DDX4: variants seen among roughly 807,000 people sequenced by gnomAD.
The protein encoded by DDX4 is DEAD-box helicase 4.
Under a neutral mutation model 100.0 loss-of-function variants are expected in DDX4, and 25 were observed. The observed-to-expected ratio is 0.25, with a 90% CI of 0.18 to 0.35. DDX4 has a LOEUF of 0.35. Among genes scored for constraint, DDX4 ranks in the 10% least tolerant of loss-of-function variants. The pLI is 1.00. For synonymous variants in DDX4, 259 were observed against 275.7 expected (o/e 0.94, Z 0.60); for missense variants, 635 against 882.4 (o/e 0.72, Z 3.55).
chr5:55,767,863 G>T lies in DDX4; in HGVS notation c.335-18G>T. On this transcript the variant is annotated intron_variant, in intron 6 of 21. Transcript: ENST00000505374. ...TAAGTTAATTAAATGCTATTTACAT[G>T]TTAAATTTTTATTGAAGAGTCTAGT... The T allele has an allele frequency of 6.2e-7, 1 of 1,602,976 alleles. No homozygotes were observed. The highest frequency in any genetic ancestry group is 8.5e-7 in the Non-Finnish European group (1 of 1,172,204).
intron 19 of DDX4, among the ~76,000 whole-genome samples, chr5:55,814,340 A>T (rs536965527): frequency 6.6e-6 from 1 of 152,228 alleles, no homozygotes; most frequent in Non-Finnish European, 1.5e-5. Context: ...TTGAGATTGT[A>T]GTCTGTCTCT....
At chr5:55,765,878 C>T (rs1267631187) in intron 6 of DDX4, among the ~76,000 whole-genome samples, 1 of 152,116 alleles carries the variant, frequency 6.6e-6, no homozygotes, top group Non-Finnish European at 1.5e-5. Context: ...AGTCTTGGCT[C>T]ACTGCAACCT....
At chr5:55,750,914 C>T (rs528528933) in intron 3 of DDX4, among the ~76,000 whole-genome samples, 5 of 152,130 alleles carry the variant, frequency 3.3e-5, no homozygotes, top group Non-Finnish European at 5.9e-5. Context: ...TCCCATTCTT[C>T]CTCCATGATA....
intron 7 of DDX4, among the ~76,000 whole-genome samples, chr5:55,771,982 T>C (rs557634068): frequency 2.0e-5 from 3 of 152,238 alleles, no homozygotes; most frequent in Non-Finnish European, 4.4e-5. Context: ...GCCAGCACTT[T>C]GGGAGGCGGG....
intron 7 of DDX4, among the ~76,000 whole-genome samples, chr5:55,772,691 C>T (rs1741325166): frequency 6.6e-6 from 1 of 152,102 alleles, no homozygotes; most frequent in Non-Finnish European, 1.5e-5. Flanking sequence ...GTTCCCTTGA[C>T]AGCTAGTTGT....
At chr5:55,769,907 C>T (rs1389996890) in intron 7 of DDX4, among the ~76,000 whole-genome samples, 1 of 151,284 alleles carries the variant, frequency 6.6e-6, no homozygotes, top group Non-Finnish European at 1.5e-5. Context: ...CACTCTGTCA[C>T]CCAGGCTGGA....
At chr5:55,816,034 C>T (rs111723208) in intron 21 of DDX4, among the ~76,000 whole-genome samples, 2 of 150,350 alleles carry the variant, frequency 1.3e-5, no homozygotes, top group African/African-American at 4.9e-5. Flanking sequence ...GATCCACCTG[C>T]TTCAACCTCC....
chr5:55,765,413 A>AAAAAAAATATATATATATAT (rs1392558099), intron 6 of DDX4, among the ~76,000 whole-genome samples: 2 of 83,042 alleles, frequency 2.4e-5, no homozygotes, highest in African/African-American at 1.2e-4. Flanking sequence ...AAAAAAAAAA[A>AAAAAAAATATATATATATAT]ATATATATAT....
At chr5:55,771,461 T>C (rs902628902) in intron 7 of DDX4, among the ~76,000 whole-genome samples, 1 of 152,234 alleles carries the variant, frequency 6.6e-6, no homozygotes, top group Non-Finnish European at 1.5e-5. Context: ...TATTACTGTT[T>C]AGTATTCTTT....
chr5:55,760,440 T>C (rs1188283552), intron 4 of DDX4, among the ~76,000 whole-genome samples, 163 bp downstream of exon 4: 1 of 152,178 alleles, frequency 6.6e-6, no homozygotes, highest in Non-Finnish European at 1.5e-5. Context: ...TCATTTTCTT[T>C]TTTCTGTTTT....
Position 55,744,878 on chromosome 5 carries a change from C to CTT in DDX4, c.70-1278_70-1277dup, listed in dbSNP as rs71602907. 8.0e-5 allele frequency among the ~76,000 whole-genome samples: 12 copies of CTT among 150,480 alleles called. No homozygotes were observed. In the East Asian group the frequency reaches 1.8e-3, roughly 22 times the overall value. ...TACTTTACAGTGAATCCTTTTTTTT[C>CTT]TTTTTTTTTGAGATGGTGTGAGACA... is the stretch of plus-strand genomic sequence containing the variant. On this transcript the variant is annotated intron_variant, in intron 2 of 21. Coordinates refer to ENST00000505374, the MANE Select transcript of DDX4 (RefSeq NM_024415.3).
At chr5:55,794,081 A>C (rs919235263) in intron 17 of DDX4, among the ~76,000 whole-genome samples, 2 of 152,194 alleles carry the variant, frequency 1.3e-5, no homozygotes, top group African/African-American at 4.8e-5. Context: ...ATTGGGGGAA[A>C]ATAGAACTCA....
At chr5:55,758,962 C>T (rs890831955) in intron 3 of DDX4, among the ~76,000 whole-genome samples, 1 of 147,974 alleles carries the variant, frequency 6.8e-6, no homozygotes, top group African/African-American at 2.5e-5. Context: ...AATAATAACT[C>T]ACTGCAGCCT....
chr5:55,791,199 C>T (rs982335281), intron 16 of DDX4, among the ~76,000 whole-genome samples: 3 of 152,070 alleles, frequency 2.0e-5, no homozygotes, highest in Non-Finnish European at 4.4e-5. Flanking sequence ...GATTTTAGGG[C>T]CATGTACTTA....
intron 13 of DDX4, among the ~76,000 whole-genome samples, chr5:55,786,182 T>G (rs1742234784): frequency 6.6e-6 from 1 of 152,178 alleles, no homozygotes; most frequent in Admixed American, 6.6e-5. Flanking sequence ...AGGGCAGTGA[T>G]TTTTCTGAGA....
At chr5:55,754,917 A>C (rs923804026) in intron 3 of DDX4, among the ~76,000 whole-genome samples, 20 of 151,952 alleles carry the variant, frequency 1.3e-4, no homozygotes, top group Non-Finnish European at 2.6e-4. Context: ...TGTATGTGTC[A>C]AGGAATTTAT....
chr5:55,763,426 A>G (rs1204389641), intron 5 of DDX4, among the ~76,000 whole-genome samples, 174 bp downstream of exon 5: 1 of 152,112 alleles, frequency 6.6e-6, no homozygotes, highest in Non-Finnish European at 1.5e-5. Flanking sequence ...ACATTTTTTA[A>G]TTTTATGAAA....
At chr5:55,738,277 C>G (rs1279112524) in intron 1 of DDX4, 176 bp downstream of exon 1, 1 of 152,538 alleles carries the variant, frequency 6.6e-6, no homozygotes, top group South Asian at 2.1e-4. Flanking sequence ...GGCTTGAGGC[C>G]TGCAGAGGAG....
chr5:55,797,311 A>G (rs1040272115), intron 17 of DDX4, among the ~76,000 whole-genome samples: 1 of 152,128 alleles, frequency 6.6e-6, no homozygotes, highest in African/African-American at 2.4e-5. Context: ...TATCTTTCCT[A>G]CTTGAAGTGA....
Sources: gnomAD v4.1 joint callset for allele counts (sites outside exome capture counted in the v4.1 genomes callset) on GRCh38, gnomAD v4.1.1 for gene constraint, MANE v1.5 for transcripts, NCBI Gene and HGNC (gene_info 2026-07-23, HGNC 2026-07-21) for gene names.